PLXNB1: variants seen among roughly 807,000 people sequenced by gnomAD.
PLXNB1 encodes plexin B1.
A neutral mutation model predicts 209.4 loss-of-function variants in PLXNB1; 106 were observed. The observed-to-expected ratio is 0.51, with a 90% confidence interval of 0.43 to 0.59. PLXNB1 has a LOEUF of 0.59. Ranked by LOEUF, PLXNB1 falls within the 20% of genes least tolerant of loss-of-function variation. The probability of loss-of-function intolerance (pLI) is 0.00; values close to 1 mark genes in which losing one functional copy is unlikely to be tolerated. For missense variants in PLXNB1, 2,357 were observed against 2,853.2 expected (o/e 0.83, Z 3.96); for synonymous variants, 1,167 against 1,183.2 (o/e 0.99, Z 0.28).
Position 48,415,936 on chromosome 3 carries a change from C to A in PLXNB1, c.3617+95G>T. 3.5e-6 allele frequency: 5 copies of A among 1,441,310 alleles called. No homozygotes were observed. In the South Asian group the frequency reaches 6.6e-5, roughly 19 times the overall value. 89.3% of individuals were successfully genotyped at this position (1,441,310 alleles called of 1,614,324 possible). On this transcript the variant is annotated intron_variant, in intron 18 of 37. Coordinates refer to ENST00000296440, the MANE Select transcript of PLXNB1 (RefSeq NM_001130082.3). The surrounding 1 kb of genome is among the most constrained non-coding windows in gnomAD (Gnocchi z 5.0). The stretch of plus-strand genomic sequence containing the variant: ...GCCACTCTCTGAAGGAGCAGACTGG[C>A]CCTCTTCCCCTTTCTGCTCTCCCCA...
Position 48,422,365 on chromosome 3 carries a change from G to T in PLXNB1, c.1385C>A (p.Thr462Asn). The T allele has an allele frequency of 6.2e-7, 1 of 1,610,050 alleles. No homozygotes were observed. The change falls in exon 5 of 38, where the codon ACC becomes AAC. Residue 462 changes from threonine (T) to asparagine (N), a missense_variant. This residue lies in a region of PLXNB1 where 404 missense variants were observed against 443.6 expected (regional missense o/e 0.91). Transcript: ENST00000296440. ...AVSRDLTFDG[T>N]FEHLYVMTQS... ...GGTCATGACATACAGGTGCTCAAAG[G>T]TCCCATCAAAGGTGAGGTCTCTGCT...
At chr3:48,407,006 A>G in intron 35 of PLXNB1, 21 bp downstream of exon 35, 1 of 1,613,284 alleles carries the variant, frequency 6.2e-7, no homozygotes, top group Non-Finnish European at 8.5e-7. Flanking sequence ...TCCAACCTCT[A>G]CCCACCGTGC....
Position 48,405,584 on chromosome 3 carries a change from GCCA to G in PLXNB1, c.6303+137_6303+139del. On this transcript the variant is annotated intron_variant, in intron 37 of 37. Coordinates refer to ENST00000296440, the MANE Select transcript of PLXNB1 (RefSeq NM_001130082.3). This position sits in a 1 kb window ranked among gnomAD's most constrained non-coding sequence, Gnocchi z 5.0. ...AGCCCGCCTGGAAAACACTTCTCAA[GCCA>G]CCAAGGGGCCCGGCCCCCCACTACT... 1.6e-6 allele frequency: 1 copy of G among 641,234 alleles called. No homozygotes were observed. Among genetic ancestry groups the G allele is most frequent in the Non-Finnish European group, 2.7e-6 (1 of 370,656 alleles). The allele number at this position is 641,234 out of a possible 1,614,324, so 39.7% of individuals were successfully genotyped here.
Position 48,421,929 on chromosome 3 carries a change from G to A in PLXNB1, c.1521-123C>T, listed in dbSNP as rs1046543696. On this transcript the variant is annotated intron_variant, in intron 6 of 37. Transcript: ENST00000296440. ...TAGAGTGGGCATGATAGAGGCTCCT[G>A]TGTCTGCCCTGGCAGGGCACTGATG... The A allele has an allele frequency of 2.1e-6, 3 of 1,442,342 alleles. No individual in the cohort carries two copies. In the Admixed American group the frequency reaches 6.6e-5, roughly 32 times the overall value. 89.3% of individuals were successfully genotyped at this position (1,442,342 alleles called of 1,614,324 possible).
In PLXNB1 at chr3:48,410,865, C is replaced by T. The variant is rs2037636940; in HGVS notation, c.5416+3G>A. The T allele has an allele frequency of 1.2e-6, 2 of 1,608,456 alleles. No homozygotes were observed. The highest frequency in any genetic ancestry group is 1.7e-6 in the Non-Finnish European group (2 of 1,177,670). ...GGTCCCCAGGGGCTCTCCACGCCCT[C>T]ACCAACATCAAGGGTGCGAGGGTCT... is the stretch of plus-strand genomic sequence containing the variant. On this transcript the variant is annotated splice_donor_region_variant and intron_variant, in intron 29 of 37. Coordinates refer to ENST00000296440, the MANE Select transcript of PLXNB1 (RefSeq NM_001130082.3). This position sits in a 1 kb window ranked among gnomAD's most constrained non-coding sequence, Gnocchi z 6.4.
At position 48,413,872 on chromosome 3, in the gene PLXNB1, C is replaced by G; in HGVS notation, c.4386+23G>C. The G allele has an allele frequency of 1.9e-6, 3 of 1,606,114 alleles. No individual in the cohort carries two copies. The highest frequency in any genetic ancestry group is 2.6e-6 in the Non-Finnish European group (3 of 1,174,388). Reference sequence around the variant, plus strand: ...GTTTGGCCCAGGTCAATGCCCAGCCCGGCCAGGGACCTGCCCACTGACCGT... The same window carrying G: ...GTTTGGCCCAGGTCAATGCCCAGCCGGGCCAGGGACCTGCCCACTGACCGT... On this transcript the variant is annotated intron_variant, in intron 22 of 37. Transcript: ENST00000296440. This position sits in a 1 kb window ranked among gnomAD's most constrained non-coding sequence, Gnocchi z 5.4.
Position 48,409,647 on chromosome 3 carries a change from A to C in PLXNB1, c.5863T>G (p.Phe1955Val). The change falls in exon 33 of 38, where the codon TTT (phenylalanine) becomes GTT (valine). Residue 1955 changes from phenylalanine to valine, a missense_variant. This residue lies in a region of PLXNB1 where 414 missense variants were observed against 520.5 expected (regional missense o/e 0.80). Coordinates refer to ENST00000296440, the MANE Select transcript of PLXNB1 (RefSeq NM_001130082.3). This position sits in a 1 kb window ranked among gnomAD's most constrained non-coding sequence, Gnocchi z 5.8. Reference protein sequence around the residue: ...RPVPLAVKYFFDLLDEQAQQH... With the variant: ...RPVPLAVKYFVDLLDEQAQQH... ...TGGGCCTGCTCATCCAGCAGGTCAAAGAAGTACTTCACAGCGAGCGGCACG... is the reference window on the plus strand; with the variant it reads ...TGGGCCTGCTCATCCAGCAGGTCAACGAAGTACTTCACAGCGAGCGGCACG... 1 of 1,614,034 alleles carries C rather than the reference A, an allele frequency of 6.2e-7. No homozygotes were observed. The highest frequency in any genetic ancestry group is 8.5e-7 in the Non-Finnish European group (1 of 1,180,016).
In PLXNB1 at chr3:48,414,963, G is replaced by A; in HGVS notation, c.4045C>T (p.Pro1349Ser). 1 of 1,613,864 alleles carries A rather than the reference G, an allele frequency of 6.2e-7. No homozygotes were observed. The highest frequency in any genetic ancestry group is 8.5e-7 in the Non-Finnish European group (1 of 1,180,016). The change falls in exon 21 of 38, where the codon CCC (proline) becomes TCC (serine). Residue 1349 changes from proline to serine, a missense_variant. Coordinates refer to ENST00000296440, the MANE Select transcript of PLXNB1 (RefSeq NM_001130082.3). ...AGGATAAATTCCACCCGGACCCAGG[G>A]GTCCTCAGGCAGGCCTGGGAGGGCA... ...TPALPGLPED[P>S]WVRVEFILDN...
chr3:48,423,871 A>G lies in PLXNB1; in HGVS notation c.741T>C (p.Tyr247=), dbSNP rs1044105180. 3 of 1,613,932 alleles carry G rather than the reference A, an allele frequency of 1.9e-6. No homozygotes were observed. The highest frequency in any genetic ancestry group is 1.1e-5 in the South Asian group (1 of 91,086). ...LQAQSRAFRA[Y]VSRVCLRDQH... ...GGTCCCGGAGACACACTCGAGATAC[A>G]TAGGCACGAAAAGCTCTAGACTGAG... Residue 247 remains tyrosine (Y), a synonymous_variant, in exon 3 of 38, where the codon TAT becomes TAC. Coordinates refer to ENST00000296440, the MANE Select transcript of PLXNB1 (RefSeq NM_001130082.3).
At chr3:48,414,106 C>G (rs1426879692) in intron 21 of PLXNB1, 35 bp from the exon 22 acceptor site, 11 of 1,605,648 alleles carry the variant, frequency 6.9e-6, no homozygotes, top group Admixed American at 3.3e-5. Context: ...TCACTCAGGA[C>G]CCTTCCCTCA....
chr3:48,422,929 GA>G lies in PLXNB1; in HGVS notation c.1125del (p.Cys377ValfsTer29), dbSNP rs1212564746. The G allele has an allele frequency of 6.2e-7, 1 of 1,613,726 alleles. No homozygotes were observed. Among genetic ancestry groups the G allele is most frequent in the Non-Finnish European group, 8.5e-7 (1 of 1,179,914 alleles). Reference protein sequence around the residue: ...AQLPVDTLDAYPCGSDHTPSP... With the variant: ...AQLPVDTLDAXPCGSDHTPSP... ...CTGGGCGTGTGGTCTGAGCCACAGGGATAAGCATCCAGGGTGTCCTATAGGC... is the reference window on the plus strand; with the variant it reads ...CTGGGCGTGTGGTCTGAGCCACAGGGTAAGCATCCAGGGTGTCCTATAGGC... On this transcript the variant is annotated frameshift_variant, in exon 4 of 38. Coordinates refer to ENST00000296440, the MANE Select transcript of PLXNB1 (RefSeq NM_001130082.3). LOFTEE classifies it high-confidence loss of function.
chr3:48,415,025 T>C lies in PLXNB1; in HGVS notation c.3983A>G (p.His1328Arg), dbSNP rs193118403. The C allele has an allele frequency of 4.9e-5, 79 of 1,613,162 alleles. No individual in the cohort carries two copies. The African/African-American group carries it at 8.8e-4, about 18-fold the overall frequency. Residue 1328 changes from histidine to arginine, a missense_variant, in exon 21 of 38, where the codon CAT becomes CGT. Physicochemically the swap from His to Arg is conservative, Grantham distance 29. This residue lies in a region of PLXNB1 where 743 missense variants were observed against 896.2 expected (regional missense o/e 0.83). Coordinates refer to ENST00000296440, the MANE Select transcript of PLXNB1 (RefSeq NM_001130082.3). This position sits in a 1 kb window ranked among gnomAD's most constrained non-coding sequence, Gnocchi z 5.0. ...CGTGATGAGCTGGGAGGAGTTGACATGGCACGGCTCCTCAAACTGGAAGGA... is the reference window on the plus strand; with the variant it reads ...CGTGATGAGCTGGGAGGAGTTGACACGGCACGGCTCCTCAAACTGGAAGGA... ...CSSQQFEEPCHVNSSQLITCR... is the reference protein window; with the variant it reads ...CSSQQFEEPCRVNSSQLITCR...
intron 34 of PLXNB1, among the ~76,000 whole-genome samples, chr3:48,408,947 A>G (rs2037477086): frequency 6.6e-6 from 1 of 152,154 alleles, no homozygotes; most frequent in Non-Finnish European, 1.5e-5. Flanking sequence ...ATCCATGCAC[A>G]GCAGCCACAA....
Position 48,410,589 on chromosome 3 carries a change from G to A in PLXNB1, c.5417-31C>T. 6.4e-7 allele frequency: 1 copy of A among 1,563,684 alleles called. No individual in the cohort carries two copies. Among genetic ancestry groups the A allele is most frequent in the Non-Finnish European group, 8.8e-7 (1 of 1,135,618 alleles). ...AGGGCAAGGCAGAACTGGGTGCAGG[G>A]CTGGAAGATACCCTTCCCATAGTGG... On this transcript the variant is annotated intron_variant, in intron 29 of 37. Coordinates refer to ENST00000296440, the MANE Select transcript of PLXNB1 (RefSeq NM_001130082.3). The surrounding 1 kb of genome is among the most constrained non-coding windows in gnomAD (Gnocchi z 6.4).
At position 48,415,217 on chromosome 3, in the gene PLXNB1, C is replaced by T. The variant is rs746500738; in HGVS notation, c.3925G>A (p.Glu1309Lys). ...GLGRRRRVVPETACSLGPSCS... is the reference protein window; with the variant it reads ...GLGRRRRVVPKTACSLGPSCS... ...GAGGGTCCAAGGGAACATGCCGTCT[C>T]CGGGACCACGCGACGCCTCCGTCCA... The change falls in exon 20 of 38, where the codon GAG (glutamate) becomes AAG (lysine). Residue 1309 changes from glutamate to lysine, a missense_variant. Glu to Lys is a moderately conservative substitution (Grantham distance 56). Transcript: ENST00000296440. The surrounding 1 kb of genome is among the most constrained non-coding windows in gnomAD (Gnocchi z 5.0). The T allele has an allele frequency of 4.3e-6, 7 of 1,613,488 alleles. No individual in the cohort carries two copies. The highest frequency in any genetic ancestry group is 5.9e-6 in the Non-Finnish European group (7 of 1,180,014).
At chr3:48,427,216 G>A (rs2038939736) in intron 1 of PLXNB1, among the ~76,000 whole-genome samples, 1 of 152,128 alleles carries the variant, frequency 6.6e-6, no homozygotes, top group South Asian at 2.1e-4. Context: ...ACTGGATGAG[G>A]AGACAACAGG....
chr3:48,405,892 G>A lies in PLXNB1; in HGVS notation c.6229-94C>T. The A allele has an allele frequency of 1.0e-6, 1 of 953,334 alleles. No homozygotes were observed. The highest frequency in any genetic ancestry group is 1.7e-6 in the Non-Finnish European group (1 of 602,642). The allele number at this position is 953,334 out of a possible 1,614,324, so 59.1% of individuals were successfully genotyped here. ...ACCCCAGGGAAGGGCTGGGGGAGAA[G>A]GGGACCTGAGAGGTAGAGAATGGGA... On this transcript the variant is annotated intron_variant, in intron 36 of 37. Coordinates refer to ENST00000296440, the MANE Select transcript of PLXNB1 (RefSeq NM_001130082.3). The surrounding 1 kb of genome is among the most constrained non-coding windows in gnomAD (Gnocchi z 5.0).
Position 48,418,622 on chromosome 3 carries a change from T to C in PLXNB1, c.2956-80A>G. The C allele has an allele frequency of 8.6e-7, 1 of 1,169,582 alleles. No homozygotes were observed. Among genetic ancestry groups the C allele is most frequent in the South Asian group, 1.3e-5 (1 of 75,614 alleles). The allele number at this position is 1,169,582 out of a possible 1,614,324, so 72.5% of individuals were successfully genotyped here. ...GGGAGGGGTTAGTCAGAGAAAGGACTAAAACGACCAGTTAGGAGCATAGGG... is the reference window on the plus strand; with the variant it reads ...GGGAGGGGTTAGTCAGAGAAAGGACCAAAACGACCAGTTAGGAGCATAGGG... On this transcript the variant is annotated intron_variant, in intron 13 of 37. Coordinates refer to ENST00000296440, the MANE Select transcript of PLXNB1 (RefSeq NM_001130082.3). The surrounding 1 kb of genome is among the most constrained non-coding windows in gnomAD (Gnocchi z 6.6).
In PLXNB1 at chr3:48,424,075, A is replaced by AC. The variant is rs953293505; in HGVS notation, c.536dup (p.Gly180TrpfsTer22). 7 of 1,566,344 alleles carry AC rather than the reference A, an allele frequency of 4.5e-6. No individual in the cohort carries two copies. The highest frequency in any genetic ancestry group is 6.1e-6 in the Non-Finnish European group (7 of 1,155,142). ...CCCGGGTTGTGATGGGTGGAATGCC[A>AC]CCCCCCACACCCCTGCTGGTGTATC... is the stretch of plus-strand genomic sequence containing the variant. On this transcript the variant is annotated frameshift_variant, in exon 3 of 38. Transcript: ENST00000296440. LOFTEE classifies it high-confidence loss of function.
Sources: allele counts gnomAD v4.1 joint callset (sites outside exome capture counted in the v4.1 genomes callset), GRCh38; gene constraint gnomAD v4.1.1; regional missense constraint gnomAD v4.1.1; non-coding constraint Gnocchi (gnomAD v3.1); transcripts MANE v1.5; gene names NCBI Gene and HGNC (gene_info 2026-07-23, HGNC 2026-07-21).